Variants in DLGAP2 observed in about 807,000 individuals in gnomAD.
DLGAP2 encodes the protein DLG associated protein 2.
DLGAP2 carries 26 observed loss-of-function variants against 100.3 expected under a neutral mutation model. The observed-to-expected ratio is 0.26, with a 90% CI of 0.19 to 0.36. DLGAP2 has a LOEUF of 0.36. Ranked by LOEUF, DLGAP2 falls within the 10% of genes least tolerant of loss-of-function variation. The pLI is 1.00. For synonymous variants in DLGAP2, 886 were observed against 630.1 expected, an observed-to-expected ratio of 1.41 and a Z score of -6.08; for missense variants, 1,858 against 1,453.2, an observed-to-expected ratio of 1.28 and a Z score of -4.53.
At chr8:982,284 C>G (rs1389834736) in intron 2 of DLGAP2, among the ~76,000 whole-genome samples, 1 of 152,252 alleles carries the variant, frequency 6.6e-6, no homozygotes, top group Non-Finnish European at 1.5e-5. Context: ...ACCCTTGGAA[C>G]CATGCCTCAG....
rs373169113 is a variant in DLGAP2, at chr8:920,122, T to TC, written c.73+12160dup. ...ACCAGGTGGAAGCTTCCAGAGCTGC[T>TC]CCCCACAGAGTCCCAGGAGGGGACA... On this transcript the variant is annotated intron_variant, in intron 2 of 14. Coordinates refer to ENST00000637795, the MANE Select transcript of DLGAP2 (RefSeq NM_001346810.2). 4.1e-4 allele frequency among the ~76,000 whole-genome samples: 63 copies of TC among 152,164 alleles called. 1 individual carries two copies. The highest frequency in any genetic ancestry group is 1.3e-3 in the African/African-American group (54 of 41,528).
At chr8:1,525,913 G>A (rs1447376162) in intron 4 of DLGAP2, among the ~76,000 whole-genome samples, 2 of 152,100 alleles carry the variant, frequency 1.3e-5, no homozygotes, top group African/African-American at 4.8e-5. Flanking sequence ...TTATGCTGCA[G>A]GCTAAGTATC....
chr8:1,349,487 C>T (rs1801652876), intron 3 of DLGAP2, among the ~76,000 whole-genome samples: 1 of 127,478 alleles, frequency 7.8e-6, no homozygotes, highest in Admixed American at 8.0e-5. Flanking sequence ...GAGCCTCCCG[C>T]CCACATCCAC....
chr8:1,327,416 C>A (rs751991131), intron 3 of DLGAP2, among the ~76,000 whole-genome samples: 1 of 152,230 alleles, frequency 6.6e-6, no homozygotes, highest in Admixed American at 6.5e-5. Flanking sequence ...AGTCATCATT[C>A]CATCTCTTCC....
At chr8:1,420,696 C>G (rs1485451383) in intron 3 of DLGAP2, among the ~76,000 whole-genome samples, 2 of 152,164 alleles carry the variant, frequency 1.3e-5, no homozygotes, top group Non-Finnish European at 2.9e-5. Flanking sequence ...CCACTCCAAC[C>G]CAGTAAAGCC....
intron 8 of DLGAP2, among the ~76,000 whole-genome samples, chr8:1,665,734 C>T (rs1051118286): frequency 3.9e-5 from 6 of 152,244 alleles, no homozygotes; most frequent in Non-Finnish European, 8.8e-5. Context: ...CAGCGCGCAG[C>T]GGACACCGGG....
At chr8:883,530 C>G (rs953069924) in intron 1 of DLGAP2, among the ~76,000 whole-genome samples, 1 of 151,934 alleles carries the variant, frequency 6.6e-6, no homozygotes, top group Admixed American at 6.5e-5. Flanking sequence ...AAAAAAAAAC[C>G]CAGGATACAT....
In DLGAP2 at chr8:891,232, C is replaced by G. The variant is rs571470442; in HGVS notation, c.19-16680C>G. The stretch of plus-strand genomic sequence containing the variant: ...AGGCGACAAGGACCCGTGTGGCGAC[C>G]AGGACCAGGCGTGTGCATGTCAGGA... On this transcript the variant is annotated intron_variant, in intron 1 of 14. Transcript: ENST00000637795. 11 of 152,542 alleles carry G rather than the reference C, an allele frequency of 7.2e-5. No homozygotes were observed. The East Asian group carries it at 2.1e-3, about 29-fold the overall frequency. 9.4% of individuals were successfully genotyped at this position (152,542 alleles called of 1,614,324 possible). A position where few individuals can be genotyped will look rare whatever the true frequency, so the allele number is the denominator to read the frequency against.
intron 2 of DLGAP2, among the ~76,000 whole-genome samples, chr8:1,087,308 C>T (rs549118178): frequency 2.0e-5 from 3 of 152,074 alleles, no homozygotes; most frequent in Non-Finnish European, 4.4e-5. Flanking sequence ...TTTTAGTATG[C>T]CCAGACTCTT....
At chr8:1,470,723 A>T (rs976624768) in intron 3 of DLGAP2, among the ~76,000 whole-genome samples, 1 of 135,564 alleles carries the variant, frequency 7.4e-6, no homozygotes. Context: ...GGCATCACCG[A>T]CCACGGCCTC....
chr8:1,218,674 T>C (rs1415406724), intron 2 of DLGAP2, among the ~76,000 whole-genome samples: 1 of 152,142 alleles, frequency 6.6e-6, no homozygotes, highest in African/African-American at 2.4e-5. Context: ...GAAAATCATG[T>C]TGGTAGTTTG....
intron 3 of DLGAP2, among the ~76,000 whole-genome samples, chr8:1,468,617 C>T (rs974667015): frequency 6.6e-6 from 1 of 152,208 alleles, no homozygotes; most frequent in Admixed American, 6.5e-5. Flanking sequence ...TGAAGGAAAC[C>T]TGGGAAGCCT....
chr8:1,521,368 A>C (rs1297883034), intron 4 of DLGAP2, among the ~76,000 whole-genome samples: 1 of 58,222 alleles, frequency 1.7e-5, no homozygotes, highest in Non-Finnish European at 3.7e-5. Context: ...ACTTGTTTTA[A>C]TTTGGAATAC....
chr8:1,513,436 C>G (rs1488742891), intron 4 of DLGAP2, among the ~76,000 whole-genome samples: 2 of 152,142 alleles, frequency 1.3e-5, no homozygotes, highest in African/African-American at 4.8e-5. Context: ...CGGTGGGATA[C>G]ACGTCCGCCT....
At chr8:1,409,077 A>G (rs1796655330) in intron 3 of DLGAP2, among the ~76,000 whole-genome samples, 1 of 151,612 alleles carries the variant, frequency 6.6e-6, no homozygotes, top group African/African-American at 2.4e-5. Flanking sequence ...TCACTGTAGC[A>G]GGCGCCCGGC....
At chr8:780,907 C>T (rs1383025060) in intron 1 of DLGAP2, among the ~76,000 whole-genome samples, 2 of 152,088 alleles carry the variant, frequency 1.3e-5, no homozygotes, top group Admixed American at 6.5e-5. Flanking sequence ...TTATTGAGGA[C>T]ATCAAAAAAG....
At chr8:1,519,964 G>T (rs942293398) in intron 4 of DLGAP2, among the ~76,000 whole-genome samples, 47 of 152,228 alleles carry the variant, frequency 3.1e-4, no homozygotes, top group African/African-American at 9.6e-5. Flanking sequence ...TCGGTTTCCA[G>T]TCTGCAGGAG....
intron 8 of DLGAP2, among the ~76,000 whole-genome samples, chr8:1,652,413 G>C (rs1480339454): frequency 2.0e-5 from 3 of 152,170 alleles, no homozygotes; most frequent in Non-Finnish European, 4.4e-5. Flanking sequence ...ATAGTAGATA[G>C]AAATGTTTGT....
chr8:1,449,299 C>A (rs191637045), intron 3 of DLGAP2, among the ~76,000 whole-genome samples: 2 of 152,178 alleles, frequency 1.3e-5, no homozygotes, highest in Non-Finnish European at 2.9e-5. Flanking sequence ...AGGGTCGGGC[C>A]ATGATGGACT....
Sources: allele counts gnomAD v4.1 joint callset (sites outside exome capture counted in the v4.1 genomes callset), GRCh38; gene constraint gnomAD v4.1.1; transcripts MANE v1.5; gene names NCBI Gene and HGNC (gene_info 2026-07-23, HGNC 2026-07-21).